The following ATXN7 variants were observed in gnomAD, a reference collection of about 807,000 sequenced individuals.
ATXN7 encodes the protein ataxin 7, also known as ataxin-7.
Under a neutral mutation model 70.5 loss-of-function variants are expected in ATXN7, and 12 were observed. That is an observed-to-expected ratio of 0.17 (90% CI 0.11 to 0.28). The LOEUF is 0.28. Ranked by LOEUF, ATXN7 falls within the 10% of genes least tolerant of loss-of-function variation. The pLI, the probability that ATXN7 is intolerant of heterozygous loss-of-function variation, is 1.00. For missense variants in ATXN7, 1,256 were observed against 1,131.7 expected, an observed-to-expected ratio of 1.11 and a Z score of -1.58; for synonymous variants, 498 against 448.7, an observed-to-expected ratio of 1.11 and a Z score of -1.39.
chr3:63,903,259 G>T (rs56293138), intron 2 of ATXN7, among the ~76,000 whole-genome samples: 3 of 151,404 alleles, frequency 2.0e-5, no homozygotes, highest in Non-Finnish European at 2.9e-5. Flanking sequence ...GCCGAGCTTG[G>T]GCCTGTAGTC....
intron 2 of ATXN7, chr3:63,905,037 G>GT (rs1389685286): frequency 6.6e-6 from 1 of 151,954 alleles, no homozygotes; most frequent in Non-Finnish European, 1.5e-5. Context: ...ACTGGGCTGC[G>GT]TTCTTTCTTT....
At chr3:63,890,280 ATATAAT>A (rs1449788539) in intron 1 of ATXN7, among the ~76,000 whole-genome samples, 16 of 152,234 alleles carry the variant, frequency 1.1e-4, no homozygotes, top group African/African-American at 3.9e-4. Flanking sequence ...GGTTTAAAGA[ATATAAT>A]TATATCTATT....
Position 63,952,510 on chromosome 3 carries a change from G to A in ATXN7, c.499+27G>A, listed in dbSNP as rs747536865. ...TAAGTGCTTAACCATTTAAAAAATT[G>A]TTAATAGAAGGTAAAAGGTAAAGCA... On this transcript the variant is annotated intron_variant, in intron 5 of 12. Coordinates refer to ENST00000674280, the MANE Select transcript of ATXN7 (RefSeq NM_001377405.1). 8.0e-6 allele frequency: 12 copies of A among 1,507,306 alleles called. No individual in the cohort carries two copies. The East Asian group carries it at 2.8e-4, about 35-fold the overall frequency. The allele number at this position is 1,507,306 out of a possible 1,614,324, so 93.4% of individuals were successfully genotyped here.
chr3:63,984,998 T>G (rs1353597920), intron 8 of ATXN7, among the ~76,000 whole-genome samples: 1 of 152,246 alleles, frequency 6.6e-6, no homozygotes, highest in Admixed American at 6.5e-5. Context: ...TTCCAGTGTA[T>G]GTATATACTA....
rs567977055 is a variant in ATXN7 at position 63,976,772 on chromosome 3, A to C, written c.500-3143A>C. On this transcript the variant is annotated intron_variant, in intron 5 of 12. Transcript: ENST00000674280. ...TGCACAATGCAAAATTACGCAACAA[A>C]AACCACATGAGGCTTATTGGGAAAA... 8.5e-4 allele frequency among the ~76,000 whole-genome samples: 130 copies of C among 152,344 alleles called. 2 individuals are homozygous for C. The South Asian group carries it at 0.024, about 29-fold the overall frequency.
intron 12 of ATXN7, among the ~76,000 whole-genome samples, chr3:63,996,889 A>G (rs2075769184): frequency 1.3e-5 from 2 of 152,216 alleles, no homozygotes; most frequent in East Asian, 3.8e-4. Flanking sequence ...TGTTTCCTGG[A>G]TAGTGGTTCT....
At chr3:63,970,712 C>G (rs560470631) in intron 5 of ATXN7, among the ~76,000 whole-genome samples, 1 of 152,292 alleles carries the variant, frequency 6.6e-6, no homozygotes, top group East Asian at 1.9e-4. Flanking sequence ...TTCTTAGCAA[C>G]ATTATTTACA....
intron 1 of ATXN7, among the ~76,000 whole-genome samples, chr3:63,882,814 G>A (rs540488168): frequency 6.6e-6 from 1 of 152,062 alleles, no homozygotes; most frequent in Non-Finnish European, 1.5e-5. Context: ...AAAAGGCAAC[G>A]AACACCTTAG....
chr3:63,936,590 C>A (rs1268460561), intron 4 of ATXN7, among the ~76,000 whole-genome samples: 2 of 152,148 alleles, frequency 1.3e-5, no homozygotes, highest in African/African-American at 2.4e-5. Context: ...TCCCTTCAGA[C>A]TGAGTCCCAA....
chr3:63,908,626 T>C (rs551738512), intron 2 of ATXN7, among the ~76,000 whole-genome samples: 1 of 152,360 alleles, frequency 6.6e-6, no homozygotes, highest in East Asian at 1.9e-4. Context: ...GGTGGTTTTT[T>C]CCAATTGAAG....
At position 63,913,150 on chromosome 3, in the gene ATXN7, C is replaced by T. The variant is rs374743795; in HGVS notation, c.326-7C>T. 4.3e-6 allele frequency: 7 copies of T among 1,613,268 alleles called. No homozygotes were observed. The highest frequency in any genetic ancestry group is 2.2e-5 in the East Asian group (1 of 44,854). ...CTCCCCTCCTCCTGTGTGTGTATAT[C>T]TCCTAGGGACAGAATTGGACGAAAG... On this transcript the variant is annotated splice_polypyrimidine_tract_variant and splice_region_variant and intron_variant, in intron 3 of 12. Coordinates refer to ENST00000674280, the MANE Select transcript of ATXN7 (RefSeq NM_001377405.1).
At chr3:63,893,734 T>G (rs1288938399) in intron 1 of ATXN7, among the ~76,000 whole-genome samples, 1 of 152,214 alleles carries the variant, frequency 6.6e-6, no homozygotes, top group Non-Finnish European at 1.5e-5. Flanking sequence ...TGTTTTCACA[T>G]TGACTTGATC....
intron 4 of ATXN7, among the ~76,000 whole-genome samples, chr3:63,921,398 GA>G (rs1704505399): frequency 6.6e-6 from 1 of 152,146 alleles, no homozygotes; most frequent in Non-Finnish European, 1.5e-5. Flanking sequence ...ATAATTTGGG[GA>G]CTCCAGACAT....
chr3:63,898,110 T>G (rs1703499280), intron 1 of ATXN7, among the ~76,000 whole-genome samples: 1 of 152,280 alleles, frequency 6.6e-6, no homozygotes, highest in Admixed American at 6.5e-5. Context: ...TGGAAACTCA[T>G]TAGTGCAAAT....
At chr3:63,938,994 T>A (rs1161572692) in intron 4 of ATXN7, among the ~76,000 whole-genome samples, 1 of 149,532 alleles carries the variant, frequency 6.7e-6, no homozygotes, top group East Asian at 2.0e-4. Flanking sequence ...CTTTTAAAAT[T>A]TTTTTAATTT....
At chr3:63,935,769 A>G (rs1312977759) in intron 4 of ATXN7, among the ~76,000 whole-genome samples, 1 of 151,908 alleles carries the variant, frequency 6.6e-6, no homozygotes, top group African/African-American at 2.4e-5. Context: ...TTTTTTTTCA[A>G]TAGTCACTGT....
intron 1 of ATXN7, among the ~76,000 whole-genome samples, chr3:63,866,000 G>C (rs1396712110): frequency 6.8e-6 from 1 of 146,140 alleles, no homozygotes. Context: ...TTTTGAAACA[G>C]TGTCAGTGAT....
intron 5 of ATXN7, among the ~76,000 whole-genome samples, chr3:63,959,346 G>GGGGGATGAGCC (rs2075087240): frequency 6.6e-6 from 1 of 152,118 alleles, no homozygotes; most frequent in African/African-American, 2.4e-5. Context: ...TCCAGCAGTC[G>GGGGGATGAGCC]GGGGATGAGC....
At chr3:63,904,658 T>G (rs1703772560) in intron 2 of ATXN7, 1 of 152,258 alleles carries the variant, frequency 6.6e-6, no homozygotes, top group Admixed American at 6.5e-5. Context: ...ATGGGTTGTT[T>G]CCACCTTTTG....
Sources: gnomAD v4.1 joint callset for allele counts (sites outside exome capture counted in the v4.1 genomes callset) on GRCh38, gnomAD v4.1.1 for gene constraint, MANE v1.5 for transcripts, NCBI Gene and HGNC (gene_info 2026-07-23, HGNC 2026-07-21) for gene names.